The following PDILT variants were observed in gnomAD, a reference collection of about 807,000 sequenced individuals.
PDILT encodes the protein protein disulfide isomerase like, testis expressed.
A neutral mutation model predicts 53.7 loss-of-function variants in PDILT; 43 were observed. That is an observed-to-expected ratio of 0.80 (90% confidence interval 0.63 to 1.03). The LOEUF (loss-of-function observed/expected upper bound fraction) is 1.03. Ranked by LOEUF, PDILT falls within the 50% of genes least tolerant of loss-of-function variation. PDILT has a pLI of 0.00. For synonymous variants in PDILT, 282 were observed against 274.2 expected, an observed-to-expected ratio of 1.03 and a Z score of -0.28; for missense variants, 727 against 712.3, an observed-to-expected ratio of 1.02 and a Z score of -0.24.
chr16:20,381,907 T>C (rs1352412909), intron 3 of PDILT, among the ~76,000 whole-genome samples: 1 of 152,138 alleles, frequency 6.6e-6, no homozygotes, highest in Non-Finnish European at 1.5e-5. Context: ...TATTATTATT[T>C]TAAAATTTAG....
chr16:20,373,059 C>T lies in PDILT; in HGVS notation c.745G>A (p.Val249Ile). The stretch of plus-strand genomic sequence containing the variant: ...AAATCTGTAAGGTGCTGTTTTATGA[C>T]ACGATTGAGTTCCTGTTTGTTGGTA... Reference protein sequence around the residue: ...DSTNKQELNRVIKQHLTDFVI... With the variant: ...DSTNKQELNRIIKQHLTDFVI... Residue 249 changes from valine (V) to isoleucine (I), a missense_variant, in exon 6 of 12, where the codon GTC (valine) becomes ATC (isoleucine). By Grantham distance (29) the Val-to-Ile change is conservative. Coordinates refer to ENST00000302451, the MANE Select transcript of PDILT (RefSeq NM_174924.2). 6.2e-7 allele frequency: 1 copy of T among 1,614,130 alleles called. No individual in the cohort carries two copies. The highest frequency in any genetic ancestry group is 8.5e-7 in the Non-Finnish European group (1 of 1,179,992).
chr16:20,391,875 G>A (rs1048455301), intron 2 of PDILT, among the ~76,000 whole-genome samples: 1 of 151,784 alleles, frequency 6.6e-6, no homozygotes, highest in African/African-American at 2.4e-5. Flanking sequence ...TCACAATCCA[G>A]GTGAAGGAGT....
At chr16:20,393,413 C>T (rs936871474) in intron 2 of PDILT, among the ~76,000 whole-genome samples, 2 of 152,224 alleles carry the variant, frequency 1.3e-5, no homozygotes, top group Non-Finnish European at 2.9e-5. Flanking sequence ...CTTGGAACTA[C>T]ATTGATGAAA....
chr16:20,392,166 A>C (rs142900545), intron 2 of PDILT, among the ~76,000 whole-genome samples: 7 of 152,278 alleles, frequency 4.6e-5, no homozygotes. Context: ...TGGCATCCAC[A>C]GGACGTGGTG....
chr16:20,385,724 C>G (rs560848870), intron 2 of PDILT, among the ~76,000 whole-genome samples: 1 of 152,228 alleles, frequency 6.6e-6, no homozygotes, highest in Admixed American at 6.5e-5. Flanking sequence ...GCCACTTGTA[C>G]CCCCAAAGCT....
intron 10 of PDILT, among the ~76,000 whole-genome samples, chr16:20,360,871 C>T (rs192063013): frequency 1.4e-3 from 214 of 152,304 alleles, no homozygotes; most frequent in African/African-American, 4.1e-3. Context: ...GATCAAAGCA[C>T]GGACTGTAAA....
At chr16:20,396,178 G>A (rs1213216238) in intron 2 of PDILT, among the ~76,000 whole-genome samples, 2 of 152,116 alleles carry the variant, frequency 1.3e-5, no homozygotes, top group Non-Finnish European at 2.9e-5. Flanking sequence ...TCCCTATAAT[G>A]ACTATACCAC....
chr16:20,374,732 G>A (rs77919076), intron 5 of PDILT, 90 bp downstream of exon 5: 1 of 1,441,228 alleles, frequency 6.9e-7, no homozygotes, highest in East Asian at 2.3e-5. Context: ...GAGTTCACAA[G>A]TGGCAGAACC....
intron 9 of PDILT, 80 bp downstream of exon 9, chr16:20,365,340 A>C: frequency 1.3e-6 from 2 of 1,527,442 alleles, no homozygotes; most frequent in South Asian, 1.2e-5. Context: ...TAGAGATTTC[A>C]GTGCCCAACA....
At chr16:20,375,334 T>G (rs1966369669) in intron 4 of PDILT, among the ~76,000 whole-genome samples, 2 of 152,246 alleles carry the variant, frequency 1.3e-5, no homozygotes, top group South Asian at 4.1e-4. Context: ...TCAGCCTTCA[T>G]TCTTTAGCTT....
At chr16:20,394,824 T>G (rs1226136453) in intron 2 of PDILT, among the ~76,000 whole-genome samples, 1 of 152,120 alleles carries the variant, frequency 6.6e-6, no homozygotes, top group Non-Finnish European at 1.5e-5. Context: ...CCCTAAGGGG[T>G]GGCTGAGGTC....
intron 9 of PDILT, 140 bp downstream of exon 9, chr16:20,365,280 T>A (rs1966172874): frequency 4.5e-6 from 4 of 891,554 alleles, no homozygotes; most frequent in African/African-American, 1.7e-5. Context: ...CTTGAGTCAA[T>A]CCCTTTGGGT....
chr16:20,379,004 C>T (rs1277550492), intron 3 of PDILT, among the ~76,000 whole-genome samples: 6 of 146,030 alleles, frequency 4.1e-5, no homozygotes, highest in Non-Finnish European at 9.0e-5. Context: ...CATTTAGTTG[C>T]TCTCATTTTA....
chr16:20,373,108 GTTCACAA>G lies in PDILT; in HGVS notation c.689_695del (p.Ile230ThrfsTer19), dbSNP rs778537875. On this transcript the variant is annotated frameshift_variant, in exon 6 of 12. Coordinates refer to ENST00000302451, the MANE Select transcript of PDILT (RefSeq NM_174924.2). LOFTEE classifies it high-confidence loss of function. ...TACTGTCATTAATAAGCTTTTGGCG[GTTCACAA>G]TTTTTCCCTTGTACAAAAGGAGAAA... The G allele has an allele frequency of 5.6e-6, 9 of 1,613,978 alleles. No homozygotes were observed. Among genetic ancestry groups the G allele is most frequent in the African/African-American group, 1.3e-5 (1 of 75,020 alleles).
At chr16:20,373,250 T>C (rs990780772) in intron 5 of PDILT, 128 bp from the exon 6 acceptor site, 1 of 765,330 alleles carries the variant, frequency 1.3e-6, no homozygotes, top group Non-Finnish European at 2.1e-6. Context: ...AGGTGTAGTC[T>C]GTAATCTAGG....
Position 20,399,075 on chromosome 16 carries a change from A to G in PDILT, c.202+24T>C, listed in dbSNP as rs777750986. On this transcript the variant is annotated intron_variant, in intron 2 of 11. Coordinates refer to ENST00000302451, the MANE Select transcript of PDILT (RefSeq NM_174924.2). ...GCAGGCCTCATCCCATCTATCATCC[A>G]TCACCCAGGATGGGGGCACTCACGG... 6 of 1,613,700 alleles carry G rather than the reference A, an allele frequency of 3.7e-6. No homozygotes were observed. In the East Asian group the frequency reaches 8.9e-5, roughly 24 times the overall value.
intron 2 of PDILT, among the ~76,000 whole-genome samples, chr16:20,395,135 A>T (rs1464059294): frequency 2.0e-5 from 3 of 152,214 alleles, no homozygotes; most frequent in Non-Finnish European, 4.4e-5. Flanking sequence ...GACACATTTA[A>T]GTTAGCCTAT....
chr16:20,372,990 C>A (rs376361537), intron 6 of PDILT, 22 bp downstream of exon 6: 2 of 1,613,642 alleles, frequency 1.2e-6, no homozygotes, highest in South Asian at 1.1e-5. Context: ...CCCCTTCCTC[C>A]GGGGACCATT....
At chr16:20,362,370 GT>G in intron 10 of PDILT, 33 bp downstream of exon 10, 1 of 1,607,932 alleles carries the variant, frequency 6.2e-7, no homozygotes, top group Middle Eastern at 1.7e-4. Flanking sequence ...ACATAACATT[GT>G]TTTCAGCCAT....
Sources: gnomAD v4.1 joint callset for allele counts (sites outside exome capture counted in the v4.1 genomes callset) on GRCh38, gnomAD v4.1.1 for gene constraint, MANE v1.5 for transcripts, NCBI Gene and HGNC (gene_info 2026-07-23, HGNC 2026-07-21) for gene names.